NBPF19: variants seen among roughly 807,000 people sequenced by gnomAD.
The protein encoded by NBPF19 is NBPF family member NBPF19.
In NBPF19, 30 loss-of-function variants were observed where a neutral mutation model predicts 45.9. That is an observed-to-expected ratio of 0.65 (90% CI 0.49 to 0.89). The LOEUF (loss-of-function observed/expected upper bound fraction) is 0.89, where lower values mean the gene tolerates loss of function less well. NBPF19 is among the 40% of genes least tolerant of loss of function. The pLI is 0.00. For synonymous variants in NBPF19, 183 were observed against 181.2 expected, an observed-to-expected ratio of 1.01 and a Z score of -0.08; for missense variants, 495 against 471.8, an observed-to-expected ratio of 1.05 and a Z score of -0.46.
intron 8 of NBPF19, 110 bp from the exon 9 acceptor site, chr1:149,487,222 T>G (rs2085583717): frequency 1.4e-5 from 12 of 830,430 alleles, no homozygotes; most frequent in Non-Finnish European, 2.1e-5. Flanking sequence ...CAAAGTCTCC[T>G]GTTCTCACAC....
rs1417903357 is a variant in NBPF19, at chr1:149,477,710, T to A, written c.176-235T>A. 9.2e-5 allele frequency among the ~76,000 whole-genome samples: 14 copies of A among 151,384 alleles called. No individual in the cohort carries two copies. In the East Asian group the frequency reaches 2.7e-3, roughly 29 times the overall value. ...ACTCCACTTCGTTGTGGTTGAATCA[T>A]CTTGTCAACTTCCTTGATGCGCCCT... is the stretch of plus-strand genomic sequence containing the variant. On this transcript the variant is annotated intron_variant, in intron 2 of 93. Transcript: ENST00000651566.
rs1553334537 is a variant in NBPF19, at chr1:149,538,427, C to A, written c.8811-249C>A. Among the ~76,000 whole-genome samples, 6 of 22,538 alleles carry A rather than the reference C, an allele frequency of 2.7e-4. 2 individuals carry two copies. The highest frequency in any genetic ancestry group is 7.6e-4 in the Non-Finnish European group (6 of 7,898). 14.8% of individuals were successfully genotyped at this position (22,538 alleles called of 152,430 possible). On this transcript the variant is annotated intron_variant, in intron 73 of 93. Coordinates refer to ENST00000651566, the MANE Select transcript of NBPF19 (RefSeq NM_001351365.2). ...GGACAATTCACTGAGCTCGTTCTCT[C>A]TCTCTCTCTGTGTGTGTGTGTGTGT...
chr1:149,554,811 C>G lies in NBPF19; in HGVS notation c.*73C>G, dbSNP rs1266604948. 30 of 1,601,074 alleles carry G rather than the reference C, an allele frequency of 1.9e-5. No homozygotes were observed. The Admixed American group carries it at 2.2e-4, about 12-fold the overall frequency. ...TAGGCACGTGAAGATTTGAATGAAA[C>G]TACAGTTCCATTTGGAAGCCCAGAC... On this transcript the variant is annotated 3_prime_UTR_variant, in exon 94 of 94. Transcript: ENST00000651566.
At chr1:149,488,375 G>A (rs1294650220) in intron 10 of NBPF19, among the ~76,000 whole-genome samples, 190 bp downstream of exon 10, 4 of 142,438 alleles carry the variant, frequency 2.8e-5, no homozygotes, top group Non-Finnish European at 6.1e-5. Flanking sequence ...AGTGAGCAAG[G>A]CTCTCTTCCT....
rs2087207606 is a variant in NBPF19, at chr1:149,554,815, A to G, written c.*77A>G. The G allele has an allele frequency of 1.2e-5, 19 of 1,599,942 alleles. No homozygotes were observed. Among genetic ancestry groups the G allele is most frequent in the Non-Finnish European group, 1.5e-5 (18 of 1,170,984 alleles). ...CACGTGAAGATTTGAATGAAACTACAGTTCCATTTGGAAGCCCAGACATAG... is the reference window on the plus strand; with the variant it reads ...CACGTGAAGATTTGAATGAAACTACGGTTCCATTTGGAAGCCCAGACATAG... On this transcript the variant is annotated 3_prime_UTR_variant, in exon 94 of 94. Transcript: ENST00000651566.
At chr1:149,486,360 G>T (rs1462176738) in intron 8 of NBPF19, 67 bp downstream of exon 8, 9 of 645,600 alleles carry the variant, frequency 1.4e-5, no homozygotes, top group Admixed American at 2.2e-5. Context: ...ATAATCTTTG[G>T]GCCTTGTGCC....
intron 2 of NBPF19, among the ~76,000 whole-genome samples, chr1:149,477,038 C>A (rs1159383760): frequency 2.0e-5 from 3 of 150,478 alleles, no homozygotes; most frequent in Non-Finnish European, 4.5e-5. Flanking sequence ...GCTCTTGTTC[C>A]TAAAGAGGAA....
rs1282374359 is a variant in NBPF19 at position 149,556,203 on chromosome 1, A to C, written c.*1465A>C. On this transcript the variant is annotated 3_prime_UTR_variant, in exon 94 of 94. Transcript: ENST00000651566. ...AGAAAACATTCTCTGCCTGAGTTTT[A>C]ATTTTTGTCCAAAGTTAATTTTAAT... is the stretch of plus-strand genomic sequence containing the variant. 1 of 147,218 alleles carries C rather than the reference A, an allele frequency of 6.8e-6. No individual in the cohort carries two copies. The highest frequency in any genetic ancestry group is 1.5e-5 in the Non-Finnish European group (1 of 66,496). 9.1% of individuals were successfully genotyped at this position (147,218 alleles called of 1,614,324 possible).
At chr1:149,510,083 C>A in intron 37 of NBPF19, 96 bp from the exon 38 acceptor site, 2 of 327,828 alleles carry the variant, frequency 6.1e-6, no homozygotes, top group Non-Finnish European at 1.0e-5. Flanking sequence ...CTTTTAGTTT[C>A]TTAACCACTT....
At chr1:149,554,297 C>T (rs1401372491) in intron 93 of NBPF19, among the ~76,000 whole-genome samples, 198 bp from the exon 94 acceptor site, 14 of 151,280 alleles carry the variant, frequency 9.3e-5, no homozygotes, top group African/African-American at 3.2e-4. Flanking sequence ...CTCTCTCTCT[C>T]TGTCTTTCTC....
chr1:149,553,718 T>G, intron 92 of NBPF19, 56 bp from the exon 93 acceptor site: 3 of 56,114 alleles, frequency 5.3e-5, no homozygotes, highest in South Asian at 3.5e-4. Context: ...CAGTGGATTG[T>G]TATGTGTGTA....
chr1:149,490,910 G>T (rs1379241738), intron 13 of NBPF19, among the ~76,000 whole-genome samples: 1 of 132,872 alleles, frequency 7.5e-6, no homozygotes, highest in Non-Finnish European at 1.6e-5. Context: ...GTGTGTGTGT[G>T]TGTGTGTGTG....
At chr1:149,483,619 C>T (rs2085337620) in intron 7 of NBPF19, among the ~76,000 whole-genome samples, 2 of 149,936 alleles carry the variant, frequency 1.3e-5, no homozygotes, top group Admixed American at 1.3e-4. Flanking sequence ...CAGTTTCTTC[C>T]TAGCGTCAAT....
At position 149,554,958 on chromosome 1, in the gene NBPF19, A is replaced by C; in HGVS notation, c.*220A>C. The stretch of plus-strand genomic sequence containing the variant: ...TGACACGTTCACATAACTGTGCAGC[A>C]CATGCCGGGAGTGATCAGTCGGACA... On this transcript the variant is annotated 3_prime_UTR_variant, in exon 94 of 94. Coordinates refer to ENST00000651566, the MANE Select transcript of NBPF19 (RefSeq NM_001351365.2). The C allele has an allele frequency of 1.3e-6, 1 of 789,508 alleles. No individual in the cohort carries two copies. Among genetic ancestry groups the C allele is most frequent in the Non-Finnish European group, 2.0e-6 (1 of 500,834 alleles). 48.9% of individuals were successfully genotyped at this position (789,508 alleles called of 1,614,324 possible).
At chr1:149,477,863 G>C in intron 2 of NBPF19, 82 bp from the exon 3 acceptor site, 1 of 784,978 alleles carries the variant, frequency 1.3e-6, no homozygotes, top group African/African-American at 1.7e-5. Flanking sequence ...CCTTGGGATG[G>C]ACCTGGCTCC....
In NBPF19 at chr1:149,487,978, C is replaced by A. The variant is rs1192004116; in HGVS notation, c.1041-35C>A. ...TGGGGCTGTGTGGTTTCTGATTCCCCCTGGCTTATTCTTTACTTTTTCCCA... is the reference window on the plus strand; with the variant it reads ...TGGGGCTGTGTGGTTTCTGATTCCCACTGGCTTATTCTTTACTTTTTCCCA... On this transcript the variant is annotated intron_variant, in intron 9 of 93. Transcript: ENST00000651566. 47 of 693,594 alleles carry A rather than the reference C, an allele frequency of 6.8e-5. 1 individual carries two copies. Among genetic ancestry groups the A allele is most frequent in the Non-Finnish European group, 1.2e-4 (46 of 376,322 alleles). 43.0% of individuals were successfully genotyped at this position (693,594 alleles called of 1,614,324 possible). A position where few individuals can be genotyped will look rare whatever the true frequency, so the allele number is the denominator to read the frequency against.
intron 13 of NBPF19, among the ~76,000 whole-genome samples, 183 bp from the exon 14 acceptor site, chr1:149,490,956 C>A (rs1339809937): frequency 7.6e-6 from 1 of 130,852 alleles, no homozygotes; most frequent in South Asian, 2.7e-4. Context: ...CCATCTGTCT[C>A]TTTCATTCTT....
rs1415075270 is a variant in NBPF19, at chr1:149,521,023, A to C, written c.6165-296A>C. Among the ~76,000 whole-genome samples, 36 of 51,336 alleles carry C rather than the reference A, an allele frequency of 7.0e-4. 1 individual carries two copies. Among genetic ancestry groups the C allele is most frequent in the African/African-American group, 2.8e-3 (35 of 12,526 alleles). 33.7% of individuals were successfully genotyped at this position (51,336 alleles called of 152,430 possible). On this transcript the variant is annotated intron_variant, in intron 51 of 93. Coordinates refer to ENST00000651566, the MANE Select transcript of NBPF19 (RefSeq NM_001351365.2). Reference sequence around the variant, plus strand: ...GGGCACTAACTCAGAGTGTCCTTTTACTCCCTTACCAGTATGTCACCTGGC... The same window carrying C: ...GGGCACTAACTCAGAGTGTCCTTTTCCTCCCTTACCAGTATGTCACCTGGC...
At chr1:149,480,983 A>C in intron 6 of NBPF19, 99 bp downstream of exon 6, 3 of 907,132 alleles carry the variant, frequency 3.3e-6, no homozygotes. Flanking sequence ...TGAATAAAAA[A>C]CTGTGATGGG....
Sources: allele counts gnomAD v4.1 joint callset (sites outside exome capture counted in the v4.1 genomes callset), GRCh38; gene constraint gnomAD v4.1.1; transcripts MANE v1.5; gene names NCBI Gene and HGNC (gene_info 2026-07-23, HGNC 2026-07-21).